Variants in DNAJC17 observed in about 807,000 individuals in gnomAD.
DNAJC17 encodes the protein DnaJ heat shock protein family (Hsp40) member C17.
A neutral mutation model predicts 48.1 loss-of-function variants in DNAJC17; 35 were observed. The ratio of observed to expected loss-of-function variants is 0.73; its 90% CI spans 0.56 to 0.96. The LOEUF (loss-of-function observed/expected upper bound fraction) is 0.96, where lower values mean the gene tolerates loss of function less well. Among genes scored for constraint, DNAJC17 ranks in the 50% least tolerant of loss-of-function variants. The pLI is 0.00. For missense variants in DNAJC17, 355 were observed against 377.1 expected (o/e 0.94, Z 0.48); for synonymous variants, 117 against 142.7 (o/e 0.82, Z 1.28).
chr15:40,777,157 C>A (rs1191091551), intron 4 of DNAJC17, among the ~76,000 whole-genome samples: 1 of 152,106 alleles, frequency 6.6e-6, no homozygotes, highest in Admixed American at 6.5e-5. Context: ...TGTGTGAGGG[C>A]GTTACCTTCC....
At chr15:40,802,947 A>G (rs1416151200) in intron 1 of DNAJC17, among the ~76,000 whole-genome samples, 2 of 152,106 alleles carry the variant, frequency 1.3e-5, no homozygotes, top group African/African-American at 2.4e-5. Flanking sequence ...CTACAAAAAT[A>G]CAAAAATTAG....
At position 40,769,637 on chromosome 15, in the gene DNAJC17, T is replaced by A. The variant is rs1178230181; in HGVS notation, c.793-1575A>T. Reference sequence around the variant, plus strand: ...GAGTCACCCATACCAGCTACAGGTCTCTTCCTTCCCCAACAATCGTTCCAC... The same window carrying A: ...GAGTCACCCATACCAGCTACAGGTCACTTCCTTCCCCAACAATCGTTCCAC... On this transcript the variant is annotated intron_variant, in intron 10 of 10. Coordinates refer to ENST00000220496, the MANE Select transcript of DNAJC17 (RefSeq NM_018163.3). The surrounding 1 kb of genome is among the most constrained non-coding windows in gnomAD (Gnocchi z 4.2). 6.6e-6 allele frequency among the ~76,000 whole-genome samples: 1 copy of A among 152,200 alleles called. No individual in the cohort carries two copies. The highest frequency in any genetic ancestry group is 6.5e-5 in the Admixed American group (1 of 15,280).
intron 9 of DNAJC17, among the ~76,000 whole-genome samples, chr15:40,774,065 G>C (rs1889245578): frequency 6.6e-6 from 1 of 152,210 alleles, no homozygotes; most frequent in Non-Finnish European, 1.5e-5. Flanking sequence ...TGGGAAGGCA[G>C]TGCTGGGGCT....
Position 40,807,152 on chromosome 15 carries a change from C to T in DNAJC17, c.78+217G>A, listed in dbSNP as rs1890258832. ...GGGCCACGGGGAGAGCACAGCCACC[C>T]GGCGCGAAGAGCCCTCTGTACCCCG... On this transcript the variant is annotated intron_variant, in intron 1 of 10. Transcript: ENST00000220496. 22 of 1,208,612 alleles carry T rather than the reference C, an allele frequency of 1.8e-5. No homozygotes were observed. In the East Asian group the frequency reaches 5.6e-4, roughly 31 times the overall value. 74.9% of individuals were successfully genotyped at this position (1,208,612 alleles called of 1,614,324 possible). A position where few individuals can be genotyped will look rare whatever the true frequency, so the allele number is the denominator to read the frequency against.
intron 1 of DNAJC17, among the ~76,000 whole-genome samples, chr15:40,800,485 CTT>C (rs780909826): frequency 7.0e-6 from 1 of 141,940 alleles, no homozygotes; most frequent in Non-Finnish European, 1.6e-5. Context: ...TTGTCTTTTT[CTT>C]TTTTTTTTTT....
intron 4 of DNAJC17, among the ~76,000 whole-genome samples, chr15:40,777,634 C>T (rs1299011489): frequency 6.6e-6 from 1 of 151,888 alleles, no homozygotes; most frequent in Non-Finnish European, 1.5e-5. Context: ...AGGAGAATCG[C>T]TTGAACCCAG....
chr15:40,776,677 G>A (rs761940263), intron 4 of DNAJC17, 50 bp from the exon 5 acceptor site: 2 of 1,599,398 alleles, frequency 1.3e-6, no homozygotes, highest in African/African-American at 2.7e-5. Context: ...CAGTTTCCAT[G>A]TGGCCTCGGC....
Position 40,792,089 on chromosome 15 carries a change from G to A in DNAJC17, c.79-12092C>T, listed in dbSNP as rs1889822446. The stretch of plus-strand genomic sequence containing the variant: ...CCTGCGACCTCCTCAGCAAACCCTA[G>A]GCCATGCCCATTCCCTGTCATGCTA... On this transcript the variant is annotated intron_variant, in intron 1 of 10. Transcript: ENST00000220496. Among the ~76,000 whole-genome samples, 4 of 152,106 alleles carry A rather than the reference G, an allele frequency of 2.6e-5. No homozygotes were observed. In the South Asian group the frequency reaches 8.3e-4, roughly 32 times the overall value.
intron 1 of DNAJC17, among the ~76,000 whole-genome samples, chr15:40,785,526 A>C (rs573890336): frequency 6.6e-6 from 1 of 152,358 alleles, no homozygotes; most frequent in East Asian, 1.9e-4. Context: ...GAAGGATTAA[A>C]GAAAATGATC....
Position 40,773,906 on chromosome 15 carries a change from A to C in DNAJC17, c.682-69T>G, listed in dbSNP as rs1889238116. On this transcript the variant is annotated intron_variant, in intron 9 of 10. Coordinates refer to ENST00000220496, the MANE Select transcript of DNAJC17 (RefSeq NM_018163.3). ...CTATAAAGAGGCTCTCTCTACCCCC[A>C]CAGAGAGAACGGAACCAGCGTTCTA... The C allele has an allele frequency of 1.0e-5, 14 of 1,342,828 alleles. No homozygotes were observed. In the South Asian group the frequency reaches 1.4e-4, roughly 14 times the overall value. 83.2% of individuals were successfully genotyped at this position (1,342,828 alleles called of 1,614,324 possible). A position where few individuals can be genotyped will look rare whatever the true frequency, so the allele number is the denominator to read the frequency against.
At chr15:40,778,048 C>T (rs1049716188) in intron 4 of DNAJC17, among the ~76,000 whole-genome samples, 11 of 152,054 alleles carry the variant, frequency 7.2e-5, no homozygotes, top group East Asian at 3.9e-4. Context: ...AAGACCCAGC[C>T]GGGCACAGCG....
At chr15:40,776,859 G>A in intron 4 of DNAJC17, 2 of 514,872 alleles carry the variant, frequency 3.9e-6, no homozygotes, top group Admixed American at 3.2e-5. Context: ...GTTAAAAACA[G>A]CTCACACTGA....
intron 8 of DNAJC17, 134 bp from the exon 9 acceptor site, chr15:40,774,570 CT>C: frequency 1.1e-6 from 1 of 920,068 alleles, no homozygotes; most frequent in Non-Finnish European, 1.7e-6. Context: ...GCCCCACCTA[CT>C]TATCTTAGTG....
chr15:40,776,303 G>C lies in DNAJC17; in HGVS notation c.382-11C>G, dbSNP rs771415170. On this transcript the variant is annotated splice_polypyrimidine_tract_variant and intron_variant, in intron 5 of 10. Transcript: ENST00000220496. ...TCTCAGGCGTTCGATCTGCAGAGCA[G>C]GGGGTGGGGGTGACAATTCTGTGCA... The C allele has an allele frequency of 1.2e-6, 2 of 1,612,762 alleles. No homozygotes were observed. Among genetic ancestry groups the C allele is most frequent in the Middle Eastern group, 1.6e-4 (1 of 6,062 alleles).
At chr15:40,768,435 T>G (rs1319918653) in intron 10 of DNAJC17, among the ~76,000 whole-genome samples, 1 of 152,102 alleles carries the variant, frequency 6.6e-6, no homozygotes, top group African/African-American at 2.4e-5. Context: ...TTCTGCCTCT[T>G]AGGTTCCCAA....
At chr15:40,803,730 G>A (rs1890130753) in intron 1 of DNAJC17, among the ~76,000 whole-genome samples, 2 of 151,262 alleles carry the variant, frequency 1.3e-5, no homozygotes, top group South Asian at 4.1e-4. Flanking sequence ...AACTCACCAT[G>A]TCTCCCTTGT....
intron 1 of DNAJC17, among the ~76,000 whole-genome samples, chr15:40,791,607 G>A (rs1453028099): frequency 6.6e-6 from 1 of 152,112 alleles, no homozygotes; most frequent in South Asian, 2.1e-4. Flanking sequence ...CACTTTGGGA[G>A]GCTGAGGTGG....
At chr15:40,794,318 C>T (rs1239173552) in intron 1 of DNAJC17, among the ~76,000 whole-genome samples, 1 of 151,424 alleles carries the variant, frequency 6.6e-6, no homozygotes, top group East Asian at 1.9e-4. Context: ...CCACTGCACT[C>T]CAGCCTGGGG....
chr15:40,780,702 T>G (rs1443579889), intron 1 of DNAJC17: 2 of 229,882 alleles, frequency 8.7e-6, no homozygotes, highest in Non-Finnish European at 1.8e-5. Context: ...TAATCCCAGC[T>G]ACTTGGGAGG....
Sources: gnomAD v4.1 joint callset for allele counts (sites outside exome capture counted in the v4.1 genomes callset) on GRCh38, gnomAD v4.1.1 for gene constraint, Gnocchi (gnomAD v3.1) non-coding constraint, MANE v1.5 for transcripts, NCBI Gene and HGNC (gene_info 2026-07-23, HGNC 2026-07-21) for gene names.